LOC101059915: variants seen among roughly 807,000 people sequenced by gnomAD.
chrX:71,668,937 C>A, the LOC101059915 span: 1 of 1,152,097 alleles, frequency 8.7e-7, no homozygotes, highest in Non-Finnish European at 1.2e-6. Context: ...AGCCCAAGCA[C>A]AGCAGCCCTG....
the LOC101059915 span, chrX:71,671,348 T>A: frequency 1.1e-6 from 1 of 906,059 alleles, no homozygotes. Context: ...CTGCTCTGTT[T>A]CACAGGTTGG....
At chrX:71,668,406 CG>C in the LOC101059915 span, 474 of 1,157,769 alleles carry the variant, frequency 4.1e-4, no homozygotes, top group Admixed American at 9.6e-4. Flanking sequence ...AAGGCCCCGC[CG>C]GGCTGAATAC....
chrX:71,670,515 A>G, the LOC101059915 span: 2 of 1,071,271 alleles, frequency 1.9e-6, no homozygotes, highest in Admixed American at 3.3e-5. Flanking sequence ...GCTGCAGGCT[A>G]TGGGGGCTAT....
At chrX:71,667,914 C>A in the LOC101059915 span, 3 of 1,129,471 alleles carry the variant, frequency 2.7e-6, no homozygotes, top group Non-Finnish European at 3.5e-6. Context: ...GTGACGGCCA[C>A]GGCCGAGACC....
the LOC101059915 span, chrX:71,671,478 C>G: frequency 7.9e-6 from 3 of 377,402 alleles, no homozygotes; most frequent in South Asian, 1.5e-4. Flanking sequence ...GCATTTGCCC[C>G]CTTCCCAACA....
At chrX:71,667,815 G>T in the LOC101059915 span, 3 of 1,061,614 alleles carry the variant, frequency 2.8e-6, no homozygotes, top group East Asian at 3.6e-5. Flanking sequence ...TGAGCTCCAC[G>T]GATGAAGTGT....
the LOC101059915 span, among the ~76,000 whole-genome samples, chrX:71,669,365 C>A: frequency 9.0e-6 from 1 of 111,369 alleles, no homozygotes; most frequent in African/African-American, 3.3e-5. Context: ...GGGCGCAAAG[C>A]TTGGGCATCT....
At chrX:71,669,824 C>G in the LOC101059915 span, 18 of 754,990 alleles carry the variant, frequency 2.4e-5, no homozygotes, top group African/African-American at 3.8e-4. Flanking sequence ...CCCTGCCCAC[C>G]CAGGCAGCTG....
At chrX:71,668,470 A>G in the LOC101059915 span, 2 of 1,157,665 alleles carry the variant, frequency 1.7e-6, no homozygotes, top group Non-Finnish European at 1.2e-6. Flanking sequence ...GATTAGGGTG[A>G]TCATTAGCAC....
the LOC101059915 span, chrX:71,671,405 C>T: frequency 7.1e-6 from 4 of 564,268 alleles, no homozygotes; most frequent in Admixed American, 7.9e-5. Flanking sequence ...TTTGGAGCTC[C>T]GGAGCTGCAG....
chrX:71,670,346 T>A, the LOC101059915 span: 538 of 1,163,223 alleles, frequency 4.6e-4, no homozygotes, highest in Non-Finnish European at 5.8e-4. Context: ...TAATGCTTTG[T>A]GTGGCTCCTA....
chrX:71,670,332 C>T, the LOC101059915 span: 17 of 1,163,359 alleles, frequency 1.5e-5, no homozygotes, highest in Admixed American at 2.6e-5. Flanking sequence ...GGGCTGTCCT[C>T]GGGTAATGCT....
the LOC101059915 span, chrX:71,668,227 G>C: frequency 9.0e-7 from 1 of 1,116,656 alleles, no homozygotes; most frequent in Middle Eastern, 3.5e-4. Flanking sequence ...CCTGGAGGTC[G>C]GTCCCAGTTG....
chrX:71,667,782 G>T, the LOC101059915 span: 1 of 1,039,928 alleles, frequency 9.6e-7, no homozygotes, highest in Non-Finnish European at 1.2e-6. Context: ...CCACAGCCTG[G>T]CTGTCTAGAC....
At chrX:71,668,714 G>A in the LOC101059915 span, 4 of 1,077,054 alleles carry the variant, frequency 3.7e-6, no homozygotes, top group Non-Finnish European at 4.8e-6. Flanking sequence ...AGGCCCAGCT[G>A]CTCAGGAGCT....
chrX:71,669,601 C>G, the LOC101059915 span: 2 of 963,891 alleles, frequency 2.1e-6, no homozygotes, highest in Non-Finnish European at 2.6e-6. Context: ...GTCCGTGCGT[C>G]GTGGAGAATA....
chrX:71,669,415 A>C, the LOC101059915 span: 2 of 504,582 alleles, frequency 4.0e-6, no homozygotes, highest in Non-Finnish European at 5.6e-6. Context: ...CCTAGCTGTT[A>C]AGCAAGCCCT....
chrX:71,668,284 G>T, the LOC101059915 span: 1 of 1,132,864 alleles, frequency 8.8e-7, no homozygotes. Flanking sequence ...GCAGGCCTCT[G>T]CCGGCCCTCT....
chrX:71,667,617 G>A, the LOC101059915 span: 1 of 327,447 alleles, frequency 3.1e-6, no homozygotes, highest in South Asian at 2.0e-4. Flanking sequence ...GAGGGTGGCG[G>A]TGTCCCAAAG....
Sources: gnomAD v4.1 joint callset for allele counts (sites outside exome capture counted in the v4.1 genomes callset) on GRCh38, gnomAD v4.1.1 for gene constraint, MANE v1.5 for transcripts.